RPS6KC1: variants seen among roughly 807,000 people sequenced by gnomAD.
The protein encoded by RPS6KC1 is inactive ribosomal protein S6 kinase delta-1.
RPS6KC1 carries 54 observed loss-of-function variants against 103.8 expected under a neutral mutation model. The observed-to-expected ratio is 0.52, with a 90% CI of 0.42 to 0.65. The LOEUF is 0.65. Ranked by LOEUF, RPS6KC1 falls within the 30% of genes least tolerant of loss-of-function variation. RPS6KC1 has a pLI of 0.00. For synonymous variants in RPS6KC1, 439 were observed against 438.7 expected, an observed-to-expected ratio of 1.00 and a Z score of -0.01; for missense variants, 1,151 against 1,253.8, an observed-to-expected ratio of 0.92 and a Z score of 1.24.
At chr1:213,366,537 T>A in the RPS6KC1 span, among the ~76,000 whole-genome samples, 1 of 152,196 alleles carries the variant, frequency 6.6e-6, no homozygotes. Context: ...TCTCCATCAT[T>A]CCTGTTCAAC....
At chr1:213,499,428 G>A in the RPS6KC1 span, among the ~76,000 whole-genome samples, 1 of 152,166 alleles carries the variant, frequency 6.6e-6, no homozygotes, top group Non-Finnish European at 1.5e-5. Flanking sequence ...GAGTGGTGGG[G>A]AAGTTGGGGG....
the RPS6KC1 span, among the ~76,000 whole-genome samples, chr1:213,427,038 A>C: frequency 6.6e-6 from 1 of 152,214 alleles, no homozygotes; most frequent in Non-Finnish European, 1.5e-5. Context: ...TGGTCTTGCT[A>C]AATGCTCCAT....
the RPS6KC1 span, among the ~76,000 whole-genome samples, chr1:213,769,375 C>A: frequency 1.3e-5 from 2 of 152,122 alleles, no homozygotes; most frequent in Non-Finnish European, 2.9e-5. Context: ...GGAATCTGTG[C>A]TTTTAAGATG....
At chr1:213,262,997 G>T (rs1387283374) in intron 14 of RPS6KC1, among the ~76,000 whole-genome samples, 181 bp downstream of exon 14, 1 of 152,056 alleles carries the variant, frequency 6.6e-6, no homozygotes, top group Non-Finnish European at 1.5e-5. Flanking sequence ...GTATTGATGG[G>T]GTCAGAGAGT....
the RPS6KC1 span, among the ~76,000 whole-genome samples, chr1:213,646,824 A>T: frequency 6.6e-6 from 1 of 152,032 alleles, no homozygotes; most frequent in Non-Finnish European, 1.5e-5. Context: ...TCACCTGGTT[A>T]TAAAAAGTGA....
At chr1:213,216,521 C>G (rs1369315649) in intron 8 of RPS6KC1, among the ~76,000 whole-genome samples, 1 of 152,142 alleles carries the variant, frequency 6.6e-6, no homozygotes, top group African/African-American at 2.4e-5. Context: ...CCAAGTGGAC[C>G]TAATAGACAT....
At chr1:213,502,738 G>A in the RPS6KC1 span, among the ~76,000 whole-genome samples, 1 of 152,136 alleles carries the variant, frequency 6.6e-6, no homozygotes, top group Non-Finnish European at 1.5e-5. Context: ...TCCACTAAAA[G>A]TTAATAGAAG....
intron 6 of RPS6KC1, among the ~76,000 whole-genome samples, chr1:213,137,777 C>CTCTCTCTCTATA (rs1387641875): frequency 1.3e-4 from 8 of 63,584 alleles, no homozygotes; most frequent in African/African-American, 3.2e-4. Context: ...CTCTCTCTCT[C>CTCTCTCTCTATA]TATATATATA....
rs372132730 is a variant in RPS6KC1 at position 213,262,823 on chromosome 1, T to C, written c.3090+7T>C. On this transcript the variant is annotated splice_region_variant and intron_variant, in intron 14 of 14. Transcript: ENST00000366960. ...TCGCTCACTCATTCAACAGGTAATTTAACTGACCTATTGGCCAGGTTTATC... is the reference window on the plus strand; with the variant it reads ...TCGCTCACTCATTCAACAGGTAATTCAACTGACCTATTGGCCAGGTTTATC... The C allele has an allele frequency of 6.5e-7, 1 of 1,541,698 alleles. No individual in the cohort carries two copies.
chr1:213,178,810 G>A (rs1222033594), intron 8 of RPS6KC1, among the ~76,000 whole-genome samples: 4 of 151,946 alleles, frequency 2.6e-5, no homozygotes, highest in African/African-American at 9.7e-5. Flanking sequence ...CGCCTCGTGG[G>A]TTCAAACAAT....
At chr1:213,496,329 G>T in the RPS6KC1 span, among the ~76,000 whole-genome samples, 1 of 152,088 alleles carries the variant, frequency 6.6e-6, no homozygotes, top group East Asian at 1.9e-4. Context: ...AGAGACATCT[G>T]TAAAAAAAAT....
the RPS6KC1 span, among the ~76,000 whole-genome samples, chr1:213,635,896 A>G: frequency 5.9e-5 from 9 of 152,240 alleles, no homozygotes; most frequent in African/African-American, 2.2e-4. Flanking sequence ...AATCTCCTAA[A>G]GCTGATAAGC....
At chr1:213,565,874 AT>A in the RPS6KC1 span, among the ~76,000 whole-genome samples, 20 of 151,298 alleles carry the variant, frequency 1.3e-4, no homozygotes. Flanking sequence ...CAGGAGAATC[AT>A]TTGAACCTGG....
intron 8 of RPS6KC1, among the ~76,000 whole-genome samples, chr1:213,187,737 G>A (rs975115525): frequency 2.0e-5 from 3 of 151,648 alleles, no homozygotes; most frequent in African/African-American, 7.3e-5. Context: ...CCTGTTTGCT[G>A]TTGTTTCTTG....
At chr1:213,562,359 G>GTTTTTTTTTTT in the RPS6KC1 span, among the ~76,000 whole-genome samples, 5 of 36,302 alleles carry the variant, frequency 1.4e-4, 1 homozygote, top group Non-Finnish European at 1.4e-4. Context: ...GAAAAGTTCT[G>GTTTTTTTTTTT]TTTTTTTTTT....
At chr1:213,558,104 TC>T in the RPS6KC1 span, among the ~76,000 whole-genome samples, 1 of 152,226 alleles carries the variant, frequency 6.6e-6, no homozygotes, top group Non-Finnish European at 1.5e-5. Flanking sequence ...TTCCTTTTCT[TC>T]CCTTTCTTTA....
At chr1:213,740,548 A>C in the RPS6KC1 span, among the ~76,000 whole-genome samples, 2 of 152,012 alleles carry the variant, frequency 1.3e-5, no homozygotes, top group Non-Finnish European at 2.9e-5. Context: ...AGACATTCAC[A>C]TCTAATAGAG....
the RPS6KC1 span, chr1:213,818,477 T>C: frequency 2.0e-5 from 3 of 152,388 alleles, no homozygotes; most frequent in Non-Finnish European, 4.4e-5. Flanking sequence ...CAACATTCCC[T>C]TAAGCCGAAG....
intron 6 of RPS6KC1, among the ~76,000 whole-genome samples, chr1:213,149,712 T>A (rs1431408345): frequency 6.6e-6 from 1 of 152,184 alleles, no homozygotes; most frequent in Non-Finnish European, 1.5e-5. Flanking sequence ...GCTTTTTCTG[T>A]CTGGAAGATC....
Sources: allele counts gnomAD v4.1 joint callset (sites outside exome capture counted in the v4.1 genomes callset), GRCh38; gene constraint gnomAD v4.1.1; transcripts MANE v1.5; gene names NCBI Gene and HGNC (gene_info 2026-07-23, HGNC 2026-07-21).